The following EIF3K variants were observed in gnomAD, a reference collection of about 807,000 sequenced individuals.
EIF3K encodes eIF-3 p28.
In EIF3K, 27 loss-of-function variants were observed where a neutral mutation model predicts 34.2. That is an observed-to-expected ratio of 0.79 (90% CI 0.58 to 1.09). The LOEUF (loss-of-function observed/expected upper bound fraction) is 1.09, where lower values mean the gene tolerates loss of function less well. Among genes scored for constraint, EIF3K ranks in the 50% least tolerant of loss-of-function variants. The pLI, the probability that EIF3K is intolerant of heterozygous loss-of-function variation, is 0.00. For synonymous variants in EIF3K, 105 were observed against 105.7 expected, an observed-to-expected ratio of 0.99 and a Z score of 0.04; for missense variants, 232 against 275.4, an observed-to-expected ratio of 0.84 and a Z score of 1.11.
At chr19:38,630,156 CT>C (rs200616580) in intron 4 of EIF3K, among the ~76,000 whole-genome samples, 70 of 141,630 alleles carry the variant, frequency 4.9e-4, no homozygotes, top group East Asian at 6.1e-4. Flanking sequence ...GTGGTAGCTG[CT>C]TTTTTTTTTT....
Position 38,635,006 on chromosome 19 carries a change from G to A in EIF3K, c.513G>A (p.Lys171=), listed in dbSNP as rs995954356. 6.2e-7 allele frequency: 1 copy of A among 1,614,044 alleles called. No individual in the cohort carries two copies. Among genetic ancestry groups the A allele is most frequent in the Admixed American group, 1.7e-5 (1 of 60,006 alleles). Residue 171 remains lysine (K), a synonymous_variant, in exon 7 of 8, where the codon AAG becomes AAA. Coordinates refer to ENST00000248342, the MANE Select transcript of EIF3K (RefSeq NM_013234.4). Reference sequence around the variant, plus strand: ...TGTCACCTGCAGACAGCCAGCTAAAGGTGTGGATGAGCAAATACGGCTGGA... The same window carrying A: ...TGTCACCTGCAGACAGCCAGCTAAAAGTGTGGATGAGCAAATACGGCTGGA... ...MLGDLSDSQL[K]VWMSKYGWSA...
chr19:38,629,484 T>G (rs1280483824), intron 4 of EIF3K, among the ~76,000 whole-genome samples: 1 of 152,006 alleles, frequency 6.6e-6, no homozygotes, highest in African/African-American at 2.4e-5. Context: ...GTAGTAGAGG[T>G]TGGATTTCGC....
In EIF3K at chr19:38,626,111, C is replaced by T. The variant is rs1439791633; in HGVS notation, c.354+9C>T. On this transcript the variant is annotated intron_variant, in intron 4 of 7. Coordinates refer to ENST00000248342, the MANE Select transcript of EIF3K (RefSeq NM_013234.4). ...ATTTCCAGGCCTTCTGGGTAACTTC[C>T]CTGGGGTCCAGGGGCAGGGGAGATG... The T allele has an allele frequency of 6.8e-6, 11 of 1,613,814 alleles. No individual in the cohort carries two copies. Among genetic ancestry groups the T allele is most frequent in the Middle Eastern group, 3.3e-4 (2 of 6,084 alleles).
intron 6 of EIF3K, among the ~76,000 whole-genome samples, chr19:38,633,054 T>A (rs1296614932): frequency 3.3e-5 from 5 of 152,196 alleles, no homozygotes; most frequent in African/African-American, 1.2e-4. Context: ...CAGCGGCATC[T>A]GAGCCCTTAC....
At position 38,626,043 on chromosome 19, in the gene EIF3K, A is replaced by G. The variant is rs760986345; in HGVS notation, c.295A>G (p.Ile99Val). The change falls in exon 4 of 8, where the codon ATC becomes GTC. Residue 99 changes from isoleucine (I) to valine (V), a missense_variant. Ile to Val is a conservative substitution (Grantham distance 29). Transcript: ENST00000248342. ...CTCCTCCCAGCAAGAAGAACGGCCA[A>G]TCCGACAGATTTTGTACCTCGGGGA... ...IDQAHQEERP[I>V]RQILYLGDLL... 2.0e-5 allele frequency: 32 copies of G among 1,614,078 alleles called. No individual in the cohort carries two copies. Among genetic ancestry groups the G allele is most frequent in the Non-Finnish European group, 2.5e-5 (30 of 1,180,048 alleles).
intron 3 of EIF3K, 128 bp from the exon 4 acceptor site, chr19:38,625,900 T>C: frequency 1.1e-6 from 1 of 872,254 alleles, no homozygotes; most frequent in Non-Finnish European, 1.9e-6. Context: ...GCTGGCTTCC[T>C]TTTCCAGCTG....
intron 6 of EIF3K, among the ~76,000 whole-genome samples, chr19:38,633,062 T>TA (rs1229263188): frequency 6.6e-6 from 1 of 152,162 alleles, no homozygotes; most frequent in Non-Finnish European, 1.5e-5. Context: ...TCTGAGCCCT[T>TA]ACCTCCGTAG....
At position 38,620,339 on chromosome 19, in the gene EIF3K, A is replaced by G. The variant is rs1012971952; in HGVS notation, c.62A>G (p.Tyr21Cys). 2 of 1,613,810 alleles carry G rather than the reference A, an allele frequency of 1.2e-6. No homozygotes were observed. The highest frequency in any genetic ancestry group is 1.7e-6 in the Non-Finnish European group (2 of 1,179,908). ...VGKLLKGIDR[Y>C]NPENLATLER... Reference sequence around the variant, plus strand: ...CACCTATCTTGATTCTCCTTTAGGTACAATCCTGAGAACCTGGCCACCCTG... The same window carrying G: ...CACCTATCTTGATTCTCCTTTAGGTGCAATCCTGAGAACCTGGCCACCCTG... Residue 21 changes from tyrosine (Y) to cysteine (C), a missense_variant and splice_region_variant, in exon 2 of 8, where the codon TAC becomes TGC. Coordinates refer to ENST00000248342, the MANE Select transcript of EIF3K (RefSeq NM_013234.4).
chr19:38,622,303 T>C (rs1412202612), intron 2 of EIF3K, among the ~76,000 whole-genome samples: 1 of 152,180 alleles, frequency 6.6e-6, no homozygotes, highest in Non-Finnish European at 1.5e-5. Context: ...AAGCATTGGC[T>C]GGCTTGAGAA....
Position 38,620,436 on chromosome 19 carries a change from G to T in EIF3K, c.158+1G>T. On this transcript the variant is annotated splice_donor_variant, in intron 2 of 7. Transcript: ENST00000248342. LOFTEE classifies it high-confidence loss of function. ...AAGCCAACCTGGCTGTCCTGAAGCT[G>T]TAAGTGTCTAGCTCTCTGTCTACAC... 6.2e-7 allele frequency: 1 copy of T among 1,613,326 alleles called. No individual in the cohort carries two copies. Among genetic ancestry groups the T allele is most frequent in the South Asian group, 1.1e-5 (1 of 90,872 alleles).
Position 38,635,071 on chromosome 19 carries a change from A to T in EIF3K, c.578A>T (p.Glu193Val). The stretch of plus-strand genomic sequence containing the variant: ...GGGCAGATCTTCATCTGTAGCCAAG[A>T]AGAGAGCATTAAACCCAAGAACATT... ...ESGQIFICSQ[E>V]ESIKPKNIVE... The change falls in exon 7 of 8, where the codon GAA becomes GTA. Residue 193 changes from glutamate to valine, a missense_variant. By Grantham distance (121) the Glu-to-Val change is moderately radical. Transcript: ENST00000248342. 2 of 1,614,156 alleles carry T rather than the reference A, an allele frequency of 1.2e-6. No homozygotes were observed. Among genetic ancestry groups the T allele is most frequent in the Non-Finnish European group, 1.7e-6 (2 of 1,179,996 alleles).
At chr19:38,622,124 G>T (rs1425832800) in intron 2 of EIF3K, among the ~76,000 whole-genome samples, 4 of 149,580 alleles carry the variant, frequency 2.7e-5, no homozygotes, top group Admixed American at 6.7e-5. Context: ...TTGAGACAGG[G>T]TCTCACCTTC....
chr19:38,635,148 G>A, intron 7 of EIF3K, 30 bp downstream of exon 7: 1 of 1,613,790 alleles, frequency 6.2e-7, no homozygotes, highest in Non-Finnish European at 8.5e-7. Context: ...CTCGGGCTTT[G>A]GGGCTAAGGG....
Position 38,623,939 on chromosome 19 carries a change from T to G in EIF3K, c.159-138T>G, listed in dbSNP as rs1387905894. 4.4e-6 allele frequency: 6 copies of G among 1,352,722 alleles called. No homozygotes were observed. The East Asian group carries it at 1.4e-4, about 31-fold the overall frequency. The allele number at this position is 1,352,722 out of a possible 1,614,324, so 83.8% of individuals were successfully genotyped here. On this transcript the variant is annotated intron_variant, in intron 2 of 7. Transcript: ENST00000248342. ...CTCAGGGAGGTGAAGGTTACACAGC[T>G]GGGAAGCACTGGGACTGGGATTGGA...
chr19:38,636,920 A>G lies in EIF3K; in HGVS notation c.657A>G (p.Ter219=). 1 of 1,613,928 alleles carries G rather than the reference A, an allele frequency of 6.2e-7. No individual in the cohort carries two copies. The highest frequency in any genetic ancestry group is 8.5e-7 in the Non-Finnish European group (1 of 1,179,970). The stretch of plus-strand genomic sequence containing the variant: ...CCAGCATCATGGCCTCCTCCCAGTA[A>G]CTTCAGGTGTTTAATAAAGATGTGT... ...SVSSIMASSQ[*] is the part of the protein sequence containing the mutation. Residue 219 remains the stop codon, a stop_retained_variant, in exon 8 of 8, where the codon TAA becomes TAG. Coordinates refer to ENST00000248342, the MANE Select transcript of EIF3K (RefSeq NM_013234.4).
At position 38,630,346 on chromosome 19, in the gene EIF3K, T is replaced by A. The variant is rs1440314720; in HGVS notation, c.355-2084T>A. On this transcript the variant is annotated intron_variant, in intron 4 of 7. Transcript: ENST00000248342. ...CGGTTTAATTATTTATTTATTTATT[T>A]ATTTTTTTTTTTTTTTGAGATGGAG... Among the ~76,000 whole-genome samples, 42 of 144,278 alleles carry A rather than the reference T, an allele frequency of 2.9e-4. 1 individual carries two copies. Among genetic ancestry groups the A allele is most frequent in the Non-Finnish European group, 4.9e-4 (32 of 65,412 alleles). The allele number at this position is 144,278 out of a possible 152,430, so 94.7% of individuals were successfully genotyped here.
chr19:38,620,786 C>T (rs1360102576), intron 2 of EIF3K, among the ~76,000 whole-genome samples: 1 of 151,836 alleles, frequency 6.6e-6, no homozygotes, highest in Non-Finnish European at 1.5e-5. Flanking sequence ...CCCAGCTACT[C>T]GGGAGGCTGA....
rs1383348863 is a variant in EIF3K, at chr19:38,628,079, T to C, written c.354+1977T>C. 7.9e-5 allele frequency among the ~76,000 whole-genome samples: 12 copies of C among 152,016 alleles called. 1 individual carries two copies. The highest frequency in any genetic ancestry group is 7.2e-4 in the Admixed American group (11 of 15,244). ...ACCACCCCGCCGGCTAATTTTTGTATTTTTAGTAGAGACGGGGTTTCACCA... is the reference window on the plus strand; with the variant it reads ...ACCACCCCGCCGGCTAATTTTTGTACTTTTAGTAGAGACGGGGTTTCACCA... On this transcript the variant is annotated intron_variant, in intron 4 of 7. Coordinates refer to ENST00000248342, the MANE Select transcript of EIF3K (RefSeq NM_013234.4).
chr19:38,622,898 GCAGT>G (rs1323902488), intron 2 of EIF3K, among the ~76,000 whole-genome samples: 1 of 152,214 alleles, frequency 6.6e-6, no homozygotes, highest in African/African-American at 2.4e-5. Context: ...CGGCTCACCG[GCAGT>G]CAGAGTTTAA....
Sources: gnomAD v4.1 joint callset for allele counts (sites outside exome capture counted in the v4.1 genomes callset) on GRCh38, gnomAD v4.1.1 for gene constraint, MANE v1.5 for transcripts, NCBI Gene and HGNC (gene_info 2026-07-23, HGNC 2026-07-21) for gene names.